SLC24A2: variants seen among roughly 807,000 people sequenced by gnomAD.
SLC24A2 encodes sodium/potassium/calcium exchanger 2.
SLC24A2 carries 36 observed loss-of-function variants against 62.0 expected under a neutral mutation model. That is an observed-to-expected ratio of 0.58 (90% CI 0.44 to 0.77). The LOEUF (loss-of-function observed/expected upper bound fraction) is 0.77. Ranked by LOEUF, SLC24A2 falls within the 30% of genes least tolerant of loss-of-function variation. The pLI, the probability that SLC24A2 is intolerant of heterozygous loss-of-function variation, is 0.00. For missense variants in SLC24A2, 846 were observed against 817.9 expected (o/e 1.03, Z -0.42); for synonymous variants, 358 against 294.0 (o/e 1.22, Z -2.23).
At chr9:19,856,297 C>G in the SLC24A2 span, among the ~76,000 whole-genome samples, 1 of 152,154 alleles carries the variant, frequency 6.6e-6, no homozygotes, top group Non-Finnish European at 1.5e-5. Context: ...GTTCATGCAT[C>G]TTAACCTCAG....
At chr9:20,222,058 T>C in the SLC24A2 span, among the ~76,000 whole-genome samples, 4 of 152,024 alleles carry the variant, frequency 2.6e-5, no homozygotes, top group Non-Finnish European at 5.9e-5. Context: ...AGTGGGGGCA[T>C]TGCTCATTGG....
the SLC24A2 span, among the ~76,000 whole-genome samples, chr9:20,171,963 CCA>C: frequency 2.6e-5 from 4 of 151,888 alleles, no homozygotes; most frequent in Admixed American, 6.6e-5. Flanking sequence ...ATATGATAGG[CCA>C]CAGTACAAGC....
the SLC24A2 span, among the ~76,000 whole-genome samples, chr9:20,150,079 G>A: frequency 6.6e-6 from 1 of 151,976 alleles, no homozygotes; most frequent in African/African-American, 2.4e-5. Flanking sequence ...GTAAAGACAT[G>A]ATTTATCATA....
At chr9:19,971,794 C>G in the SLC24A2 span, among the ~76,000 whole-genome samples, 1 of 152,126 alleles carries the variant, frequency 6.6e-6, no homozygotes, top group Non-Finnish European at 1.5e-5. Flanking sequence ...ATGGCTGACA[C>G]CAACTGAGCA....
At chr9:19,875,189 C>T in the SLC24A2 span, among the ~76,000 whole-genome samples, 1 of 152,150 alleles carries the variant, frequency 6.6e-6, no homozygotes, top group South Asian at 2.1e-4. Context: ...CTTTCCTTTT[C>T]TCTCTCAAAG....
the SLC24A2 span, among the ~76,000 whole-genome samples, chr9:19,820,062 T>TATATAC: frequency 1.5e-5 from 2 of 129,218 alleles, no homozygotes; most frequent in African/African-American, 6.2e-5. Context: ...TATACACATA[T>TATATAC]ATATATATAT....
the SLC24A2 span, among the ~76,000 whole-genome samples, chr9:20,198,988 C>T: frequency 6.6e-6 from 1 of 151,846 alleles, no homozygotes; most frequent in Non-Finnish European, 1.5e-5. Flanking sequence ...TGAGGCACCT[C>T]TTTTTTTTGG....
At chr9:19,743,628 T>A (rs973113243) in intron 2 of SLC24A2, among the ~76,000 whole-genome samples, 2 of 152,128 alleles carry the variant, frequency 1.3e-5, no homozygotes, top group African/African-American at 4.8e-5. Context: ...TATAATATGT[T>A]CTTGTTCACA....
At chr9:20,164,335 C>G in the SLC24A2 span, among the ~76,000 whole-genome samples, 1 of 152,096 alleles carries the variant, frequency 6.6e-6, no homozygotes, top group Non-Finnish European at 1.5e-5. Context: ...CATGAACAGA[C>G]ACTTCTCAAA....
chr9:19,638,909 G>A (rs1190676533), intron 2 of SLC24A2, among the ~76,000 whole-genome samples: 1 of 152,210 alleles, frequency 6.6e-6, no homozygotes, highest in African/African-American at 2.4e-5. Context: ...GGAGATGGCA[G>A]GTAGCCAGGT....
At chr9:19,543,592 C>G (rs547770003) in intron 8 of SLC24A2, among the ~76,000 whole-genome samples, 3 of 152,180 alleles carry the variant, frequency 2.0e-5, no homozygotes, top group Non-Finnish European at 2.9e-5. Flanking sequence ...TCCCTCTACA[C>G]AGTGCTTTAA....
At chr9:19,969,183 C>CCACACA in the SLC24A2 span, among the ~76,000 whole-genome samples, 26,974 of 121,962 alleles carry the variant, frequency 0.22, 3,335 homozygotes, top group Non-Finnish European at 0.26. Flanking sequence ...ACCTCCTTTG[C>CCACACA]CACACACACA....
the SLC24A2 span, among the ~76,000 whole-genome samples, chr9:20,229,758 G>C: frequency 2.6e-5 from 4 of 151,024 alleles, no homozygotes; most frequent in Non-Finnish European, 2.9e-5. Flanking sequence ...TATACTTTAA[G>C]TTTTAGGGTA....
At chr9:19,927,153 G>C in the SLC24A2 span, 2 of 152,146 alleles carry the variant, frequency 1.3e-5, no homozygotes, top group African/African-American at 4.8e-5. Flanking sequence ...CTGGAAGCCT[G>C]GACCTTAGCA....
the SLC24A2 span, among the ~76,000 whole-genome samples, chr9:20,101,639 T>A: frequency 6.6e-6 from 1 of 151,494 alleles, no homozygotes; most frequent in Non-Finnish European, 1.5e-5. Context: ...GGCCAAGGAG[T>A]TTCCGGGGAG....
chr9:19,579,457 G>C (rs1030894062), intron 5 of SLC24A2, among the ~76,000 whole-genome samples: 2 of 152,158 alleles, frequency 1.3e-5, no homozygotes, highest in Admixed American at 6.5e-5. Context: ...AAATCATCTG[G>C]TTTTCCACCC....
chr9:20,154,825 C>T, the SLC24A2 span, among the ~76,000 whole-genome samples: 1 of 151,700 alleles, frequency 6.6e-6, no homozygotes, highest in Non-Finnish European at 1.5e-5. Context: ...TTCCCCCTGC[C>T]ATCCTCTGTG....
intron 5 of SLC24A2, among the ~76,000 whole-genome samples, chr9:19,584,563 T>C (rs1384804723): frequency 1.3e-5 from 2 of 152,190 alleles, no homozygotes; most frequent in African/African-American, 2.4e-5. Context: ...CTACCAACTA[T>C]CTTACTGGAA....
chr9:19,708,304 C>A (rs1005663453), intron 2 of SLC24A2, among the ~76,000 whole-genome samples: 1 of 152,030 alleles, frequency 6.6e-6, no homozygotes, highest in Non-Finnish European at 1.5e-5. Context: ...TAGGAAGAAT[C>A]AATATCGTGA....
Sources: gnomAD v4.1 joint callset for allele counts (sites outside exome capture counted in the v4.1 genomes callset) on GRCh38, gnomAD v4.1.1 for gene constraint, MANE v1.5 for transcripts, NCBI Gene and HGNC (gene_info 2026-07-23, HGNC 2026-07-21) for gene names.